Variants in EGFLAM observed in about 807,000 individuals in gnomAD.
EGFLAM encodes the protein EGF like, fibronectin type III and laminin G domains, also known as pikachurin.
In EGFLAM, 79 loss-of-function variants were observed where a neutral mutation model predicts 113.1. The observed-to-expected ratio is 0.70, with a 90% CI of 0.58 to 0.84. EGFLAM has a LOEUF of 0.84. Ranked by LOEUF, EGFLAM falls within the 40% of genes least tolerant of loss-of-function variation. The pLI, the probability that EGFLAM is intolerant of heterozygous loss-of-function variation, is 0.00. For missense variants in EGFLAM, 1,265 were observed against 1,291.6 expected (o/e 0.98, Z 0.32); for synonymous variants, 504 against 487.6 (o/e 1.03, Z -0.44).
intron 6 of EGFLAM, among the ~76,000 whole-genome samples, chr5:38,370,898 A>G (rs1449248949): frequency 6.6e-6 from 1 of 152,184 alleles, no homozygotes; most frequent in Non-Finnish European, 1.5e-5. Context: ...CCTCTGAATG[A>G]TGGTCGAGGA....
chr5:38,414,402 T>A (rs954780583), intron 11 of EGFLAM, among the ~76,000 whole-genome samples: 4 of 152,108 alleles, frequency 2.6e-5, no homozygotes, highest in African/African-American at 9.7e-5. Context: ...CCTGTGAAAA[T>A]GTCTAATCGC....
intron 19 of EGFLAM, chr5:38,451,750 G>A (rs1742921238): frequency 3.4e-6 from 1 of 296,610 alleles, no homozygotes; most frequent in South Asian, 8.0e-5. Context: ...TAGCACTTCG[G>A]GAGGCCGAGG....
At chr5:38,313,385 T>C (rs1364875452) in intron 1 of EGFLAM, among the ~76,000 whole-genome samples, 1 of 152,232 alleles carries the variant, frequency 6.6e-6, no homozygotes, top group African/African-American at 2.4e-5. Flanking sequence ...AGTACAAATA[T>C]GTTATCATAA....
At chr5:38,286,618 G>A (rs978711501) in intron 1 of EGFLAM, among the ~76,000 whole-genome samples, 2 of 152,142 alleles carry the variant, frequency 1.3e-5, no homozygotes, top group African/African-American at 4.8e-5. Context: ...GAAAGCCCTA[G>A]GTAGGAGTTT....
At chr5:38,391,218 C>T (rs1189787641) in intron 6 of EGFLAM, among the ~76,000 whole-genome samples, 1 of 152,148 alleles carries the variant, frequency 6.6e-6, no homozygotes, top group Admixed American at 6.5e-5. Flanking sequence ...GTTTCCCCAG[C>T]ACCAAGTATT....
At chr5:38,390,276 G>A (rs1275396872) in intron 6 of EGFLAM, among the ~76,000 whole-genome samples, 1 of 152,168 alleles carries the variant, frequency 6.6e-6, no homozygotes, top group Non-Finnish European at 1.5e-5. Context: ...GACATGGCAA[G>A]TATCCTTTTG....
chr5:38,418,500 C>T (rs1269945147), intron 12 of EGFLAM, among the ~76,000 whole-genome samples: 1 of 152,146 alleles, frequency 6.6e-6, no homozygotes, highest in Non-Finnish European at 1.5e-5. Flanking sequence ...CTGGTTCTGT[C>T]CTGCTAGCAA....
At chr5:38,383,095 A>G (rs557174260) in intron 6 of EGFLAM, among the ~76,000 whole-genome samples, 2 of 152,190 alleles carry the variant, frequency 1.3e-5, no homozygotes, top group African/African-American at 2.4e-5. Flanking sequence ...TGACCTTGAG[A>G]GCAGCTCCAT....
At chr5:38,454,448 T>C (rs560027561) in intron 19 of EGFLAM, among the ~76,000 whole-genome samples, 1 of 152,296 alleles carries the variant, frequency 6.6e-6, no homozygotes, top group Non-Finnish European at 1.5e-5. Flanking sequence ...AATGAATTCA[T>C]GTAAGGGGTT....
At chr5:38,289,991 C>T (rs1758272410) in intron 1 of EGFLAM, among the ~76,000 whole-genome samples, 1 of 152,218 alleles carries the variant, frequency 6.6e-6, no homozygotes, top group African/African-American at 2.4e-5. Context: ...TACCCATTAT[C>T]TTAGCTCACA....
intron 17 of EGFLAM, among the ~76,000 whole-genome samples, chr5:38,439,593 G>T (rs1227514189): frequency 6.6e-6 from 1 of 152,150 alleles, no homozygotes. Flanking sequence ...TATGAAAGAT[G>T]CCAATTTGCC....
intron 14 of EGFLAM, 126 bp downstream of exon 14, chr5:38,427,378 A>G: frequency 6.8e-7 from 1 of 1,479,882 alleles, no homozygotes; most frequent in Non-Finnish European, 9.0e-7. Flanking sequence ...TTATCTTCTG[A>G]AACTTGTCCT....
chr5:38,279,508 A>G (rs1757965785), intron 1 of EGFLAM, among the ~76,000 whole-genome samples: 1 of 152,230 alleles, frequency 6.6e-6, no homozygotes, highest in Non-Finnish European at 1.5e-5. Context: ...AATGTGGCGC[A>G]TATCCACAAT....
At chr5:38,442,294 AAATT>A (rs1742569340) in intron 17 of EGFLAM, among the ~76,000 whole-genome samples, 2 of 148,460 alleles carry the variant, frequency 1.3e-5, no homozygotes, top group South Asian at 4.2e-4. Flanking sequence ...ATTATATTAA[AAATT>A]AATATACTAA....
At chr5:38,333,916 G>GTTTT (rs70978880) in intron 1 of EGFLAM, among the ~76,000 whole-genome samples, 398 of 29,308 alleles carry the variant, frequency 0.014, 75 homozygotes, top group African/African-American at 0.045. Context: ...ATTGTTGAGG[G>GTTTT]TTTTTTTTTT....
chr5:38,331,325 A>G (rs1438560422), intron 1 of EGFLAM, among the ~76,000 whole-genome samples: 1 of 152,204 alleles, frequency 6.6e-6, no homozygotes, highest in Non-Finnish European at 1.5e-5. Flanking sequence ...AAACAAATGT[A>G]TGACATGTAT....
At chr5:38,431,740 T>C (rs535012321) in intron 15 of EGFLAM, among the ~76,000 whole-genome samples, 1 of 152,292 alleles carries the variant, frequency 6.6e-6, no homozygotes, top group African/African-American at 2.4e-5. Context: ...CTCATACTGG[T>C]TACTTGACCT....
intron 11 of EGFLAM, 69 bp downstream of exon 11, chr5:38,412,717 C>T (rs1487727555): frequency 1.3e-6 from 2 of 1,558,730 alleles, no homozygotes; most frequent in Non-Finnish European, 1.7e-6. Flanking sequence ...GAAGGGCTTA[C>T]TGCAGAGAGC....
rs192258698 is a variant in EGFLAM, at chr5:38,372,301, C to T, written c.712+1839C>T. Among the ~76,000 whole-genome samples the T allele has an allele frequency of 3.9e-5, 6 of 152,160 alleles. No individual in the cohort carries two copies. The East Asian group carries it at 1.2e-3, about 30-fold the overall frequency. Reference sequence around the variant, plus strand: ...GGTATTGCAGGTGCCCACCACCATGCCTGGCTAATTTTTGTATTTTTAGTA... The same window carrying T: ...GGTATTGCAGGTGCCCACCACCATGTCTGGCTAATTTTTGTATTTTTAGTA... On this transcript the variant is annotated intron_variant, in intron 6 of 21. Coordinates refer to ENST00000322350, the MANE Select transcript of EGFLAM (RefSeq NM_152403.4).
Sources: allele counts gnomAD v4.1 joint callset (sites outside exome capture counted in the v4.1 genomes callset), GRCh38; gene constraint gnomAD v4.1.1; transcripts MANE v1.5; gene names NCBI Gene and HGNC (gene_info 2026-07-23, HGNC 2026-07-21).